Variants in TASP1 observed in about 807,000 individuals in gnomAD.
The protein encoded by TASP1 is taspase 1.
A neutral mutation model predicts 56.6 loss-of-function variants in TASP1; 16 were observed. The ratio of observed to expected loss-of-function variants is 0.28; its 90% CI spans 0.19 to 0.43. TASP1 has a LOEUF of 0.43. TASP1 is among the 20% of genes least tolerant of loss of function. The probability of loss-of-function intolerance (pLI) is 1.00; values close to 1 mark genes in which losing one functional copy is unlikely to be tolerated. For missense variants in TASP1, 393 were observed against 511.6 expected, an observed-to-expected ratio of 0.77 and a Z score of 2.24; for synonymous variants, 179 against 184.2, an observed-to-expected ratio of 0.97 and a Z score of 0.23.
the TASP1 span, among the ~76,000 whole-genome samples, chr20:13,247,270 G>T: frequency 6.6e-6 from 1 of 152,038 alleles, no homozygotes; most frequent in African/African-American, 2.4e-5. Context: ...ACAGAAAGAG[G>T]GCCTGGGTCT....
rs1439821094 is a variant in TASP1 at position 13,396,380 on chromosome 20, A to C, written c.1171-5928T>G. On this transcript the variant is annotated intron_variant, in intron 13 of 13. Transcript: ENST00000337743. Reference sequence around the variant, plus strand: ...ATGTACTCAACTAGCTGACAGTTTCACATGAACCTTCTTAATATAGTCTAG... The same window carrying C: ...ATGTACTCAACTAGCTGACAGTTTCCCATGAACCTTCTTAATATAGTCTAG... 2.6e-5 allele frequency among the ~76,000 whole-genome samples: 4 copies of C among 152,234 alleles called. No homozygotes were observed. The East Asian group carries it at 7.7e-4, about 29-fold the overall frequency.
At chr20:13,241,266 C>A in the TASP1 span, among the ~76,000 whole-genome samples, 1 of 152,032 alleles carries the variant, frequency 6.6e-6, no homozygotes, top group Non-Finnish European at 1.5e-5. Flanking sequence ...GAAATGGAGA[C>A]AGAATATACA....
At chr20:13,475,739 A>G (rs1308475225) in intron 11 of TASP1, among the ~76,000 whole-genome samples, 3 of 152,004 alleles carry the variant, frequency 2.0e-5, no homozygotes, top group Non-Finnish European at 4.4e-5. Flanking sequence ...TACCAAAAAT[A>G]TAAAAAATTA....
intron 11 of TASP1, among the ~76,000 whole-genome samples, chr20:13,476,588 G>C (rs923113724): frequency 3.3e-5 from 5 of 151,944 alleles, no homozygotes; most frequent in African/African-American, 9.7e-5. Flanking sequence ...TGGAATGCAA[G>C]TTTTTTTGAT....
chr20:13,351,140 GAC>G, the TASP1 span, among the ~76,000 whole-genome samples: 1 of 152,090 alleles, frequency 6.6e-6, no homozygotes, highest in Non-Finnish European at 1.5e-5. Flanking sequence ...GATACCACTA[GAC>G]ACACATTAGA....
the TASP1 span, among the ~76,000 whole-genome samples, chr20:13,211,448 A>C: frequency 0.28 from 41,811 of 152,020 alleles, 6,088 homozygotes; most frequent in African/African-American, 0.35. Context: ...AGAACAAGGC[A>C]ATCCTGCAGC....
At chr20:13,602,328 T>C (rs774489666) in intron 4 of TASP1, among the ~76,000 whole-genome samples, 7 of 152,068 alleles carry the variant, frequency 4.6e-5, no homozygotes, top group Non-Finnish European at 8.8e-5. Flanking sequence ...AAGAGGAACC[T>C]AGAAACATGA....
the TASP1 span, among the ~76,000 whole-genome samples, chr20:13,335,291 C>T: frequency 6.6e-6 from 1 of 151,660 alleles, no homozygotes; most frequent in East Asian, 1.9e-4. Context: ...ATTCCCTTCC[C>T]TATGCTCCTT....
chr20:13,561,556 AG>A (rs2147084947), intron 7 of TASP1, among the ~76,000 whole-genome samples: 1 of 152,182 alleles, frequency 6.6e-6, no homozygotes, highest in South Asian at 2.1e-4. Flanking sequence ...TAGTAAAGAC[AG>A]GGTTTCACCA....
the TASP1 span, among the ~76,000 whole-genome samples, chr20:13,310,689 C>T: frequency 7.2e-5 from 11 of 152,070 alleles, no homozygotes; most frequent in Non-Finnish European, 1.3e-4. Flanking sequence ...GGGGTTAATC[C>T]GAAATACATA....
At chr20:13,207,117 A>G in the TASP1 span, among the ~76,000 whole-genome samples, 2 of 152,204 alleles carry the variant, frequency 1.3e-5, no homozygotes, top group African/African-American at 4.8e-5. Context: ...GCTGCATAAC[A>G]ATCACTCTAT....
chr20:13,360,351 C>G, the TASP1 span, among the ~76,000 whole-genome samples: 1 of 151,014 alleles, frequency 6.6e-6, no homozygotes, highest in Non-Finnish European at 1.5e-5. Context: ...CAATCAAGCC[C>G]AAATTTCTTC....
intron 10 of TASP1, among the ~76,000 whole-genome samples, chr20:13,514,624 A>G (rs951433954): frequency 5.9e-5 from 9 of 152,262 alleles, no homozygotes; most frequent in African/African-American, 1.9e-4. Context: ...GGCAGACCTA[A>G]AATACCATTG....
chr20:13,268,341 CT>C, the TASP1 span, among the ~76,000 whole-genome samples: 1 of 136,186 alleles, frequency 7.3e-6, no homozygotes, highest in African/African-American at 2.8e-5. Context: ...CCTTCTCCTT[CT>C]TCTTCCTCTC....
intron 10 of TASP1, among the ~76,000 whole-genome samples, chr20:13,518,029 T>A (rs996488163): frequency 8.5e-5 from 13 of 152,132 alleles, no homozygotes; most frequent in African/African-American, 3.1e-4. Flanking sequence ...TTTACAAACA[T>A]TAGGGTTTTA....
At chr20:13,160,738 G>T in the TASP1 span, among the ~76,000 whole-genome samples, 1 of 152,198 alleles carries the variant, frequency 6.6e-6, no homozygotes, top group African/African-American at 2.4e-5. Flanking sequence ...AGTCAACTAT[G>T]TGCAAACTTG....
intron 7 of TASP1, among the ~76,000 whole-genome samples, chr20:13,562,226 T>C (rs552856477): frequency 6.4e-4 from 98 of 152,094 alleles, no homozygotes; most frequent in African/African-American, 2.2e-3. Flanking sequence ...GAATAAAAAT[T>C]AATACACCAA....
chr20:13,597,956 C>T (rs2047805873), intron 4 of TASP1, among the ~76,000 whole-genome samples: 1 of 152,108 alleles, frequency 6.6e-6, no homozygotes, highest in South Asian at 2.1e-4. Context: ...AATAAAATAC[C>T]TAGGAATCCA....
At chr20:13,131,326 T>C in the TASP1 span, among the ~76,000 whole-genome samples, 3 of 152,206 alleles carry the variant, frequency 2.0e-5, no homozygotes, top group Non-Finnish European at 4.4e-5. Flanking sequence ...CACAGTGTGC[T>C]CTGCAGTGGT....
Sources: allele counts gnomAD v4.1 joint callset (sites outside exome capture counted in the v4.1 genomes callset), GRCh38; gene constraint gnomAD v4.1.1; transcripts MANE v1.5; gene names NCBI Gene and HGNC (gene_info 2026-07-23, HGNC 2026-07-21).